OSBPL10: variants seen among roughly 807,000 people sequenced by gnomAD.
OSBPL10 encodes oxysterol binding protein like 10, also known as oxysterol-binding protein-related protein 10.
In OSBPL10, 49 loss-of-function variants were observed where a neutral mutation model predicts 81.7. That is an observed-to-expected ratio of 0.60 (90% CI 0.48 to 0.76). OSBPL10 has a LOEUF of 0.76. Ranked by LOEUF, OSBPL10 falls within the 30% of genes least tolerant of loss-of-function variation. OSBPL10 has a pLI of 0.00. For missense variants in OSBPL10, 923 were observed against 987.8 expected, an observed-to-expected ratio of 0.93 and a Z score of 0.88; for synonymous variants, 419 against 383.6, an observed-to-expected ratio of 1.09 and a Z score of -1.08.
exon 1 of OSBPL10, chr3:32,077,549 A>T (rs1575097714): frequency 1.3e-5 from 2 of 152,208 alleles, no homozygotes; most frequent in Non-Finnish European, 2.9e-5. Context: ...ATGGTGGTGC[A>T]CAACGTTCCA....
intron 8 of OSBPL10, among the ~76,000 whole-genome samples, chr3:31,671,524 T>A (rs1700322793): frequency 6.6e-6 from 1 of 152,094 alleles, no homozygotes; most frequent in Non-Finnish European, 1.5e-5. Context: ...CTTTTAAACT[T>A]CTAGGAAGAG....
chr3:31,684,130 C>A lies in OSBPL10; in HGVS notation c.1246-16G>T, dbSNP rs201299844. ...GAAGCACCACCTGCATTTGGAAGGA[C>A]ACAAAGTCAGACAATCCCTGGGATT... is the stretch of plus-strand genomic sequence containing the variant. On this transcript the variant is annotated splice_polypyrimidine_tract_variant and intron_variant, in intron 7 of 11. Transcript: ENST00000396556. The A allele has an allele frequency of 6.2e-7, 1 of 1,609,072 alleles. No homozygotes were observed. The highest frequency in any genetic ancestry group is 8.5e-7 in the Non-Finnish European group (1 of 1,176,042).
intron 2 of OSBPL10, among the ~76,000 whole-genome samples, chr3:32,012,352 A>C (rs1385441335): frequency 1.3e-5 from 2 of 152,192 alleles, no homozygotes; most frequent in Non-Finnish European, 2.9e-5. Context: ...AAGCTTCATA[A>C]GTGAAGGAGA....
chr3:31,846,576 G>T (rs1559489781), intron 3 of OSBPL10, among the ~76,000 whole-genome samples: 1 of 151,954 alleles, frequency 6.6e-6, no homozygotes, highest in Non-Finnish European at 1.5e-5. Flanking sequence ...AGGTTGCAGT[G>T]AGCCAAGATC....
At position 32,060,868 on chromosome 3, in the gene OSBPL10, G is replaced by A. The variant is rs1699750345; in HGVS notation, n.186-14265C>T. The stretch of plus-strand genomic sequence containing the variant: ...CTCAGCTGTAATCTCAGCTACTCGG[G>A]AGGCTGAGGCGGGAGAACCGCTTGA... On this transcript the variant is annotated intron_variant and non_coding_transcript_variant, in intron 1 of 3. Coordinates refer to the OSBPL10 transcript ENST00000479173. Among the ~76,000 whole-genome samples, 3 of 87,458 alleles carry A rather than the reference G, an allele frequency of 3.4e-5. 1 individual carries two copies. The highest frequency in any genetic ancestry group is 6.1e-5 in the Non-Finnish European group (2 of 32,916). The allele number at this position is 87,458 out of a possible 152,430, so 57.4% of individuals were successfully genotyped here. A position where few individuals can be genotyped will look rare whatever the true frequency, so the allele number is the denominator to read the frequency against.
intron 4 of OSBPL10, among the ~76,000 whole-genome samples, chr3:31,772,302 C>A (rs376050026): frequency 1.3e-3 from 192 of 152,304 alleles, no homozygotes; most frequent in African/African-American, 4.5e-3. Flanking sequence ...TAACCCCTTT[C>A]CTTTTTAACA....
At chr3:31,965,443 A>G (rs1430783125) in intron 1 of OSBPL10, among the ~76,000 whole-genome samples, 1 of 75,324 alleles carries the variant, frequency 1.3e-5, no homozygotes, top group African/African-American at 1.1e-4. Context: ...TATAATATAT[A>G]TTATATAATA....
intron 1 of OSBPL10, among the ~76,000 whole-genome samples, chr3:31,960,847 CATCCTCTTT>C (rs1243257754): frequency 3.3e-5 from 5 of 152,070 alleles, no homozygotes; most frequent in African/African-American, 1.2e-4. Context: ...ACAGAAAAAC[CATCCTCTTT>C]ATCCTCTTTA....
intron 6 of OSBPL10, among the ~76,000 whole-genome samples, chr3:31,722,388 C>T (rs1429175210): frequency 6.6e-6 from 1 of 152,068 alleles, no homozygotes; most frequent in Non-Finnish European, 1.5e-5. Context: ...GCACAAGAGT[C>T]ATCTGCTTGA....
chr3:31,826,460 C>T (rs766864145), intron 4 of OSBPL10, among the ~76,000 whole-genome samples: 1 of 152,184 alleles, frequency 6.6e-6, no homozygotes, highest in African/African-American at 2.4e-5. Context: ...TTTGGATAAC[C>T]ATTTAATCTT....
intron 1 of OSBPL10, among the ~76,000 whole-genome samples, chr3:31,916,847 C>T (rs1696770559): frequency 6.6e-6 from 1 of 152,178 alleles, no homozygotes; most frequent in Non-Finnish European, 1.5e-5. Context: ...ATCCACCTGG[C>T]CCTCTCCTGA....
intron 2 of OSBPL10, among the ~76,000 whole-genome samples, chr3:32,017,919 C>G (rs1699330062): frequency 6.6e-6 from 1 of 152,078 alleles, no homozygotes; most frequent in African/African-American, 2.4e-5. Context: ...GAGGCCGAGG[C>G]AGGCAGATCA....
intron 2 of OSBPL10, among the ~76,000 whole-genome samples, chr3:32,011,535 T>TCTC (rs1559549013): frequency 6.6e-6 from 1 of 152,034 alleles, no homozygotes; most frequent in African/African-American, 2.4e-5. Flanking sequence ...TCAGAGAGCC[T>TCTC]CTCCTCCTCC....
chr3:31,675,271 C>T (rs775191827), intron 8 of OSBPL10, among the ~76,000 whole-genome samples: 2 of 152,194 alleles, frequency 1.3e-5, no homozygotes, highest in South Asian at 2.1e-4. Context: ...GGCTGGTATT[C>T]CTAGTCTCAT....
intron 6 of OSBPL10, among the ~76,000 whole-genome samples, chr3:31,712,445 T>C (rs141094981): frequency 1.6e-4 from 25 of 152,312 alleles, no homozygotes; most frequent in African/African-American, 5.8e-4. Flanking sequence ...ATTGCTGAGG[T>C]GGCCTTGATG....
chr3:31,813,168 G>A (rs780044039), intron 4 of OSBPL10, among the ~76,000 whole-genome samples: 1 of 152,208 alleles, frequency 6.6e-6, no homozygotes, highest in Non-Finnish European at 1.5e-5. Flanking sequence ...GTAGCTGGAG[G>A]AAAGAAAAAC....
intron 4 of OSBPL10, among the ~76,000 whole-genome samples, chr3:31,797,180 A>G (rs1257198244): frequency 6.6e-6 from 1 of 151,902 alleles, no homozygotes; most frequent in Non-Finnish European, 1.5e-5. Flanking sequence ...TCTTTAGTAG[A>G]GACGGGTTTT....
At chr3:31,754,116 G>A (rs1267371671) in intron 4 of OSBPL10, among the ~76,000 whole-genome samples, 1 of 151,708 alleles carries the variant, frequency 6.6e-6, no homozygotes, top group Non-Finnish European at 1.5e-5. Flanking sequence ...CCCAGCCTAT[G>A]TCTCTTGTTC....
At position 31,707,610 on chromosome 3, in the gene OSBPL10, C is replaced by CA. The variant is rs201134427; in HGVS notation, c.1096-5103dup. Among the ~76,000 whole-genome samples the CA allele has an allele frequency of 2.9e-3, 434 of 151,670 alleles. 3 individuals are homozygous for CA. The highest frequency in any genetic ancestry group is 9.6e-3 in the African/African-American group (395 of 41,356). ...TCTTTTTGGGGAAATCTAGCCATGT[C>CA]AAAAAAAATGGGTAGTCTGAGGGTC... is the stretch of plus-strand genomic sequence containing the variant. On this transcript the variant is annotated intron_variant, in intron 6 of 11. Transcript: ENST00000396556.
Sources: allele counts gnomAD v4.1 joint callset (sites outside exome capture counted in the v4.1 genomes callset), GRCh38; gene constraint gnomAD v4.1.1; transcripts MANE v1.5; gene names NCBI Gene and HGNC (gene_info 2026-07-23, HGNC 2026-07-21).